NFE2: variants seen among roughly 807,000 people sequenced by gnomAD.
NFE2 encodes the protein transcription factor NF-E2 45 kDa subunit.
A neutral mutation model predicts 25.8 loss-of-function variants in NFE2; 13 were observed. The observed-to-expected ratio is 0.50, with a 90% CI of 0.33 to 0.80. The LOEUF (loss-of-function observed/expected upper bound fraction) is 0.80. Ranked by LOEUF, NFE2 falls within the 30% of genes least tolerant of loss-of-function variation. The pLI is 0.02. For synonymous variants in NFE2, 204 were observed against 200.2 expected (o/e 1.02, Z -0.16); for missense variants, 382 against 478.9 (o/e 0.80, Z 1.89).
At chr12:54,298,869 G>A (rs535828781) in intron 1 of NFE2, among the ~76,000 whole-genome samples, 54 of 152,052 alleles carry the variant, frequency 3.6e-4, no homozygotes, top group African/African-American at 1.2e-3. Context: ...TGGCCAACAT[G>A]GCAAAACCCC....
At position 54,295,125 on chromosome 12, in the gene NFE2, C is replaced by A. The variant is rs766625848; in HGVS notation, c.114+10G>T. 16 of 1,610,476 alleles carry A rather than the reference C, an allele frequency of 9.9e-6. No individual in the cohort carries two copies. Among genetic ancestry groups the A allele is most frequent in the Middle Eastern group, 1.6e-4 (1 of 6,082 alleles). On this transcript the variant is annotated intron_variant, in intron 2 of 2. Transcript: ENST00000435572. The stretch of plus-strand genomic sequence containing the variant: ...ACACGGCCTCCCCTGCCCTATCCCC[C>A]CTTACTCACCTGCAGCTCGGTGATG...
chr12:54,293,432 C>G, intron 2 of NFE2, 51 bp from the exon 3 acceptor site: 1 of 1,390,910 alleles, frequency 7.2e-7, no homozygotes, highest in South Asian at 2.0e-5. Flanking sequence ...GAAGAGAAAC[C>G]AACACTCTCT....
At chr12:54,293,757 G>A (rs193159152) in intron 2 of NFE2, among the ~76,000 whole-genome samples, 21 of 152,284 alleles carry the variant, frequency 1.4e-4, no homozygotes, top group African/African-American at 5.1e-4. Context: ...GCTGAGGCAG[G>A]AGAACTGCTT....
chr12:54,294,481 G>GGGGCTA (rs945849410), intron 2 of NFE2, among the ~76,000 whole-genome samples: 1 of 152,050 alleles, frequency 6.6e-6, no homozygotes, highest in African/African-American at 2.4e-5. Context: ...GGGGTGGCTG[G>GGGGCTA]GGGCTAAGAA....
Position 54,292,126 on chromosome 12 carries a change from T to G in NFE2, c.*248A>C. 1 of 529,854 alleles carries G rather than the reference T, an allele frequency of 1.9e-6. No homozygotes were observed. Among genetic ancestry groups the G allele is most frequent in the South Asian group, 2.7e-5 (1 of 37,118 alleles). 32.8% of individuals were successfully genotyped at this position (529,854 alleles called of 1,614,324 possible). On this transcript the variant is annotated 3_prime_UTR_variant, in exon 3 of 3. Coordinates refer to ENST00000435572, the MANE Select transcript of NFE2 (RefSeq NM_001136023.3). ...TGAAAAGCCATTTCTGTAGCGCACT[T>G]TATAGACCAAAGCTTAGACAAGGTG...
intron 1 of NFE2, among the ~76,000 whole-genome samples, chr12:54,298,114 C>T (rs756699575): frequency 3.3e-5 from 5 of 152,160 alleles, no homozygotes; most frequent in African/African-American, 7.2e-5. Context: ...ACCCCAATCC[C>T]CCCATTTGTC....
In NFE2 at chr12:54,292,653, C is replaced by T. The variant is rs1944328137; in HGVS notation, c.843G>A (p.Gln281=). The change falls in exon 3 of 3, where the codon CAG becomes CAA. Residue 281 remains glutamine, a synonymous_variant. Transcript: ENST00000435572. ...RRRGKNKVAA[Q]NCRKRKLETI... is the part of the protein sequence containing the mutation. ...TTTCCAGCTTCCTCTTGCGGCAGTT[C>T]TGGGCTGCCACCTTGTTTTTGCCCC... is the stretch of plus-strand genomic sequence containing the variant. The T allele has an allele frequency of 9.9e-6, 16 of 1,614,216 alleles. No homozygotes were observed. Among genetic ancestry groups the T allele is most frequent in the Non-Finnish European group, 1.3e-5 (15 of 1,180,042 alleles).
At position 54,292,789 on chromosome 12, in the gene NFE2, G is replaced by T; in HGVS notation, c.707C>A (p.Pro236His). The T allele has an allele frequency of 6.2e-7, 1 of 1,614,220 alleles. No individual in the cohort carries two copies. The highest frequency in any genetic ancestry group is 1.6e-4 in the Middle Eastern group (1 of 6,062). ...GTTGACAATCTTGTCCGTAGGAAAA[G>T]GAATCTTCATGGCCAAGGCCCGACG... is the stretch of plus-strand genomic sequence containing the variant. ...DERRALAMKIPFPTDKIVNLP... is the reference protein window; with the variant it reads ...DERRALAMKIHFPTDKIVNLP... The change falls in exon 3 of 3, where the codon CCT (proline) becomes CAT (histidine). Residue 236 changes from proline to histidine, a missense_variant. Transcript: ENST00000435572.
At position 54,292,675 on chromosome 12, in the gene NFE2, C is replaced by A; in HGVS notation, c.821G>T (p.Gly274Val). The A allele has an allele frequency of 6.2e-7, 1 of 1,614,200 alleles. No individual in the cohort carries two copies. Among genetic ancestry groups the A allele is most frequent in the Non-Finnish European group, 8.5e-7 (1 of 1,180,036 alleles). ...GTTCTGGGCTGCCACCTTGTTTTTG[C>A]CCCGTCGTCGGATGTCCCGGACTAG... ...LALVRDIRRR[G>V]KNKVAAQNCR... The change falls in exon 3 of 3, where the codon GGC becomes GTC. Residue 274 changes from glycine (G) to valine (V), a missense_variant. By Grantham distance (109) the Gly-to-Val change is moderately radical. Coordinates refer to ENST00000435572, the MANE Select transcript of NFE2 (RefSeq NM_001136023.3).
chr12:54,297,025 C>T (rs1376499724), intron 1 of NFE2, among the ~76,000 whole-genome samples: 2 of 152,016 alleles, frequency 1.3e-5, no homozygotes, highest in Non-Finnish European at 2.9e-5. Flanking sequence ...GACATTGTGT[C>T]TATGTGCACG....
At position 54,293,221 on chromosome 12, in the gene NFE2, A is replaced by G; in HGVS notation, c.275T>C (p.Val92Ala). 6.2e-7 allele frequency: 1 copy of G among 1,606,694 alleles called. No homozygotes were observed. The highest frequency in any genetic ancestry group is 2.2e-5 in the East Asian group (1 of 44,842). Residue 92 changes from valine (V) to alanine (A), a missense_variant, in exon 3 of 3, where the codon GTC becomes GCC. Coordinates refer to ENST00000435572, the MANE Select transcript of NFE2 (RefSeq NM_001136023.3). ...PYELPASTSH[V>A]PDPPYSYGNM... Reference sequence around the variant, plus strand: ...GCCATAGGAGTATGGGGGATCTGGGACATGGGATGTGGATGCTGGGAGCTC... The same window carrying G: ...GCCATAGGAGTATGGGGGATCTGGGGCATGGGATGTGGATGCTGGGAGCTC...
intron 2 of NFE2, 38 bp from the exon 3 acceptor site, chr12:54,293,419 A>C (rs778532366): frequency 7.1e-7 from 1 of 1,410,206 alleles, no homozygotes; most frequent in Non-Finnish European, 9.4e-7. Context: ...GAGACAGACT[A>C]AGGAAGAGAA....
In NFE2 at chr12:54,293,037, G is replaced by A. The variant is rs1412903886; in HGVS notation, c.459C>T (p.Ser153=). The change falls in exon 3 of 3, where the codon AGC becomes AGT. Residue 153 remains serine, a synonymous_variant. Coordinates refer to ENST00000435572, the MANE Select transcript of NFE2 (RefSeq NM_001136023.3). Reference sequence around the variant, plus strand: ...CCTCCAGCTCAAGAGATTCAGCATCGCTATAGTTGAGGGATAATCCTGAGT... The same window carrying A: ...CCTCCAGCTCAAGAGATTCAGCATCACTATAGTTGAGGGATAATCCTGAGT... ...ESDSGLSLNY[S]DAESLELEGT... 3 of 1,526,572 alleles carry A rather than the reference G, an allele frequency of 2.0e-6. No homozygotes were observed. Among genetic ancestry groups the A allele is most frequent in the African/African-American group, 2.8e-5 (2 of 72,008 alleles). 94.6% of individuals were successfully genotyped at this position (1,526,572 alleles called of 1,614,324 possible).
Position 54,293,107 on chromosome 12 carries a change from C to T in NFE2, c.389G>A (p.Gly130Glu). 2 of 1,523,714 alleles carry T rather than the reference C, an allele frequency of 1.3e-6. No homozygotes were observed. Among genetic ancestry groups the T allele is most frequent in the Non-Finnish European group, 1.8e-6 (2 of 1,137,246 alleles). 94.4% of individuals were successfully genotyped at this position (1,523,714 alleles called of 1,614,324 possible). The change falls in exon 3 of 3, where the codon GGG (glycine) becomes GAG (glutamate). Residue 130 changes from glycine to glutamate, a missense_variant. Transcript: ENST00000435572. ...LQDPLALLDIGLPAGPPKPQE... is the reference protein window; with the variant it reads ...LQDPLALLDIELPAGPPKPQE... ...GGGCTTAGGTGGCCCTGCTGGCAGC[C>T]CAATGTCCAGGAGGGCTAAGGGGTC...
intron 1 of NFE2, chr12:54,297,656 ACT>A (rs1944385365): frequency 8.0e-6 from 1 of 125,338 alleles, no homozygotes; most frequent in South Asian, 2.9e-4. Context: ...ACAGAGTGAG[ACT>A]CTGTTTCGGA....
At chr12:54,299,380 A>C (rs1038198767) in intron 1 of NFE2, among the ~76,000 whole-genome samples, 1 of 152,182 alleles carries the variant, frequency 6.6e-6, no homozygotes, top group Non-Finnish European at 1.5e-5. Context: ...GGGAAAGTGA[A>C]GTGGGCTTCC....
intron 2 of NFE2, 32 bp downstream of exon 2, chr12:54,295,103 C>T (rs770768041): frequency 1.8e-5 from 29 of 1,573,764 alleles, no homozygotes; most frequent in Admixed American, 8.4e-5. Context: ...CTCCGACACA[C>T]GGCCTCCCCT....
At chr12:54,297,328 G>A (rs1338187614) in intron 1 of NFE2, among the ~76,000 whole-genome samples, 1 of 138,632 alleles carries the variant, frequency 7.2e-6, no homozygotes, top group Non-Finnish European at 1.5e-5. Context: ...GCACTCGAGA[G>A]CCTGGGTGAC....
intron 2 of NFE2, among the ~76,000 whole-genome samples, chr12:54,294,047 C>T (rs1944345521): frequency 6.6e-6 from 1 of 151,964 alleles, no homozygotes; most frequent in Admixed American, 6.6e-5. Context: ...GCGGGCGGAT[C>T]ACAGGATCAG....
Sources: allele counts gnomAD v4.1 joint callset (sites outside exome capture counted in the v4.1 genomes callset), GRCh38; gene constraint gnomAD v4.1.1; transcripts MANE v1.5; gene names NCBI Gene and HGNC (gene_info 2026-07-23, HGNC 2026-07-21).